Variants in KIFC3 observed in about 807,000 individuals in gnomAD.
KIFC3 encodes kinesin-like protein KIFC3.
Under a neutral mutation model 101.8 loss-of-function variants are expected in KIFC3, and 60 were observed. The ratio of observed to expected loss-of-function variants is 0.59; its 90% confidence interval spans 0.48 to 0.73. The LOEUF is 0.73. Ranked by LOEUF, KIFC3 falls within the 30% of genes least tolerant of loss-of-function variation. The pLI is 0.00. For missense variants in KIFC3, 966 were observed against 1,137.1 expected, an observed-to-expected ratio of 0.85 and a Z score of 2.16; for synonymous variants, 476 against 482.7, an observed-to-expected ratio of 0.99 and a Z score of 0.18.
At chr16:57,771,993 G>A (rs1597971377) in intron 4 of KIFC3, among the ~76,000 whole-genome samples, 1 of 152,042 alleles carries the variant, frequency 6.6e-6, no homozygotes, top group African/African-American at 2.4e-5. Context: ...TTATACCAGG[G>A]TTCACACTCC....
chr16:57,814,642 T>G (rs988672220), intron 1 of KIFC3, among the ~76,000 whole-genome samples: 10 of 152,116 alleles, frequency 6.6e-5, no homozygotes, highest in African/African-American at 2.2e-4. Flanking sequence ...ATTCTTTTTT[T>G]TTTTGGAGAC....
chr16:57,809,457 G>A (rs1352014623), intron 1 of KIFC3, among the ~76,000 whole-genome samples: 2 of 152,102 alleles, frequency 1.3e-5, no homozygotes, highest in African/African-American at 4.8e-5. Flanking sequence ...ACTGCACCCA[G>A]CAAAAAACTA....
At chr16:57,850,475 T>G (rs1027834108) in intron 1 of KIFC3, among the ~76,000 whole-genome samples, 10 of 135,682 alleles carry the variant, frequency 7.4e-5, no homozygotes, top group Non-Finnish European at 1.1e-4. Context: ...GTTTTTTTTT[T>G]TTTTTTTTTT....
In KIFC3 at chr16:57,823,761, T is replaced by TTGTGTGTGTGTGTGTGTGTG. The variant is rs542476459; in HGVS notation, c.109-25499_109-25480dup. Reference sequence around the variant, plus strand: ...GTGTGCACCACCACACCCGGCTACTTTGTGTGTGTGTGTGTGTGTGTGTGT... The same window carrying TTGTGTGTGTGTGTGTGTGTG: ...GTGTGCACCACCACACCCGGCTACTTTGTGTGTGTGTGTGTGTGTGTGTGTGTGTGTGTGTGTGTGTGTGT... On this transcript the variant is annotated intron_variant, in intron 1 of 2. Transcript: ENST00000563028. Among the ~76,000 whole-genome samples, 1,281 of 136,670 alleles carry TTGTGTGTGTGTGTGTGTGTG rather than the reference T, an allele frequency of 9.4e-3. 15 individuals carry two copies. Among genetic ancestry groups the TTGTGTGTGTGTGTGTGTGTG allele is most frequent in the Non-Finnish European group, 0.013 (846 of 64,046 alleles). The allele number at this position is 136,670 out of a possible 152,430, so 89.7% of individuals were successfully genotyped here.
chr16:57,761,425 G>A lies in KIFC3; in HGVS notation c.1860C>T (p.Asp620=), dbSNP rs13335571. The A allele has an allele frequency of 4.8e-4, 772 of 1,613,956 alleles. 4 individuals carry two copies. The African/African-American group carries it at 9.5e-3, about 20-fold the overall frequency. The part of the protein sequence containing the change: ...GLTEFQVQSV[D]DINKVFEFGH... Reference sequence around the variant, plus strand: ...CCCGCCTCCACACCTTGTTGATGTCGTCCACGCTCTGCACTTGGAACTCAG... The same window carrying A: ...CCCGCCTCCACACCTTGTTGATGTCATCCACGCTCTGCACTTGGAACTCAG... The change falls in exon 14 of 20, where the codon GAC becomes GAT. Residue 620 remains aspartate, a synonymous_variant. Coordinates refer to ENST00000445690, the MANE Select transcript of KIFC3 (RefSeq NM_001130100.2).
At chr16:57,788,055 C>T (rs1451991282) in intron 3 of KIFC3, among the ~76,000 whole-genome samples, 18 of 152,232 alleles carry the variant, frequency 1.2e-4, no homozygotes, top group African/African-American at 4.3e-4. Flanking sequence ...TAGAATCTTC[C>T]AGAACCAGCC....
At chr16:57,782,715 G>A (rs1434203246) in intron 3 of KIFC3, among the ~76,000 whole-genome samples, 2 of 152,206 alleles carry the variant, frequency 1.3e-5, no homozygotes, top group South Asian at 2.1e-4. Context: ...AGGCTGAGGC[G>A]GGTGGATCAC....
Position 57,798,175 on chromosome 16 carries a change from G to T in KIFC3, c.69C>A (p.Gly23=). Residue 23 remains glycine (G), a synonymous_variant, in exon 2 of 20, where the codon GGC becomes GGA. Transcript: ENST00000445690. ...TPSLRGLWRV[G]RAPEPEPGMA... ...TCCCCGGCTCGGGCTCCGGGGCCCG[G>T]CCCACTCTCCACAGGCCCCGCAGCG... 2.6e-6 allele frequency: 4 copies of T among 1,540,262 alleles called. No homozygotes were observed. The highest frequency in any genetic ancestry group is 3.5e-6 in the Non-Finnish European group (4 of 1,143,104).
At chr16:57,823,213 T>G (rs1026033653) in intron 1 of KIFC3, among the ~76,000 whole-genome samples, 1 of 152,194 alleles carries the variant, frequency 6.6e-6, no homozygotes, top group East Asian at 1.9e-4. Flanking sequence ...CTCAGACATT[T>G]CTTCCTATTG....
At chr16:57,820,405 G>T (rs1164181028) in intron 1 of KIFC3, among the ~76,000 whole-genome samples, 4 of 152,170 alleles carry the variant, frequency 2.6e-5, no homozygotes, top group Non-Finnish European at 2.9e-5. Context: ...CTTCTGAGTA[G>T]CTGGGGCTAT....
chr16:57,844,225 T>G (rs1418148719), intron 1 of KIFC3, among the ~76,000 whole-genome samples: 3 of 148,314 alleles, frequency 2.0e-5, no homozygotes, highest in Non-Finnish European at 3.0e-5. Context: ...GAGGTCGGAG[T>G]TCAAGACCAG....
intron 4 of KIFC3, 24 bp downstream of exon 4, chr16:57,772,199 C>T: frequency 6.2e-7 from 1 of 1,609,848 alleles, no homozygotes; most frequent in Non-Finnish European, 8.5e-7. Flanking sequence ...CCTGCGCTAC[C>T]CCAGGACAGC....
rs781846570 is a variant in KIFC3, at chr16:57,762,199, C to T, written c.1689G>A (p.Ala563=). Residue 563 remains alanine, a synonymous_variant, in exon 13 of 20, where the codon GCG becomes GCA. Transcript: ENST00000445690. ...QLLFSEVQEK[A]SDWEYTITVS... ...CGGTGATGGTGTACTCCCAGTCAGA[C>T]GCCTTCTCCTGCACCTCGGAGAAGA... is the stretch of plus-strand genomic sequence containing the variant. 9.3e-6 allele frequency: 15 copies of T among 1,611,236 alleles called. No individual in the cohort carries two copies. The highest frequency in any genetic ancestry group is 5.5e-5 in the South Asian group (5 of 90,966).
intron 1 of KIFC3, among the ~76,000 whole-genome samples, chr16:57,819,160 A>T (rs1364659457): frequency 6.6e-6 from 1 of 152,152 alleles, no homozygotes; most frequent in Non-Finnish European, 1.5e-5. Flanking sequence ...TTGAATGCTC[A>T]CAAGGGTCCC....
intron 9 of KIFC3, among the ~76,000 whole-genome samples, chr16:57,768,303 G>T (rs564769146): frequency 6.6e-6 from 1 of 152,042 alleles, no homozygotes; most frequent in Non-Finnish European, 1.5e-5. Flanking sequence ...CTGAGATCCC[G>T]CCATTGCACT....
intron 1 of KIFC3, among the ~76,000 whole-genome samples, chr16:57,814,621 T>C (rs1257442354): frequency 6.6e-6 from 1 of 151,868 alleles, no homozygotes; most frequent in Non-Finnish European, 1.5e-5. Flanking sequence ...ACCATCATTA[T>C]CATTACTATC....
In KIFC3 at chr16:57,769,784, A is replaced by C; in HGVS notation, c.1087+24T>G. The C allele has an allele frequency of 1.2e-6, 2 of 1,613,014 alleles. No individual in the cohort carries two copies. The highest frequency in any genetic ancestry group is 1.7e-6 in the Non-Finnish European group (2 of 1,179,884). On this transcript the variant is annotated intron_variant, in intron 8 of 19. Transcript: ENST00000445690. This position sits in a 1 kb window ranked among gnomAD's most constrained non-coding sequence, Gnocchi z 4.3. ...GATGAGGGGCCGCGGCGTGGGGCAG[A>C]CAGGGCCCAGCTGGTCAGCTCACCT...
intron 14 of KIFC3, 42 bp downstream of exon 14, chr16:57,761,371 C>G (rs2049834179): frequency 6.2e-7 from 1 of 1,613,026 alleles, no homozygotes; most frequent in Non-Finnish European, 8.5e-7. Flanking sequence ...GTTGTGTCCT[C>G]TAGAGCAGTG....
At chr16:57,802,661 C>T, upstream of KIFC3, 1 of 1,023,160 alleles carries the variant, frequency 9.8e-7, no homozygotes. The surrounding 1 kb of genome is among the most constrained non-coding windows in gnomAD (Gnocchi z 5.0). Context: ...CTCCCACTCC[C>T]ACTCCCACTC....
Sources: allele counts gnomAD v4.1 joint callset (sites outside exome capture counted in the v4.1 genomes callset), GRCh38; gene constraint gnomAD v4.1.1; non-coding constraint Gnocchi (gnomAD v3.1); transcripts MANE v1.5; gene names NCBI Gene and HGNC (gene_info 2026-07-23, HGNC 2026-07-21).